Variants in AKT2 observed in about 807,000 individuals in gnomAD.
The protein encoded by AKT2 is AKT serine/threonine kinase 2.
A neutral mutation model predicts 58.6 loss-of-function variants in AKT2; 16 were observed. The observed-to-expected ratio is 0.27, with a 90% confidence interval of 0.18 to 0.41. The LOEUF (loss-of-function observed/expected upper bound fraction) is 0.41. Among genes scored for constraint, AKT2 ranks in the 10% least tolerant of loss-of-function variants. The pLI, the probability that AKT2 is intolerant of heterozygous loss-of-function variation, is 1.00. For synonymous variants in AKT2, 253 were observed against 254.0 expected, an observed-to-expected ratio of 1.00 and a Z score of 0.04; for missense variants, 438 against 661.0, an observed-to-expected ratio of 0.66 and a Z score of 3.70.
chr19:40,264,333 C>A (rs1051467169), intron 2 of AKT2, among the ~76,000 whole-genome samples: 2 of 152,072 alleles, frequency 1.3e-5, no homozygotes, highest in African/African-American at 2.4e-5. Context: ...GCCCTGGGGT[C>A]AAAAAGGGTC....
At position 40,231,905 on chromosome 19, in the gene AKT2, C is replaced by G. The variant is rs1407769336; in HGVS notation, c.*1967G>C. ...CAAGGCTTCCAGGTGGCAGCATAAA[C>G]AGGGAGGTGGGGCAGGATAGGAATG... is the stretch of plus-strand genomic sequence containing the variant. On this transcript the variant is annotated 3_prime_UTR_variant, in exon 14 of 14. Transcript: ENST00000392038. The G allele has an allele frequency of 3.0e-5, 7 of 233,338 alleles. No individual in the cohort carries two copies. The East Asian group carries it at 4.2e-4, about 14-fold the overall frequency. 14.5% of individuals were successfully genotyped at this position (233,338 alleles called of 1,614,324 possible). A position where few individuals can be genotyped will look rare whatever the true frequency, so the allele number is the denominator to read the frequency against.
intron 1 of AKT2, among the ~76,000 whole-genome samples, chr19:40,267,442 G>C (rs1976437705): frequency 6.6e-6 from 1 of 152,122 alleles, no homozygotes; most frequent in Non-Finnish European, 1.5e-5. Context: ...GCCTCCATCA[G>C]GGACAGCACC....
At chr19:40,257,586 AACACACACACAC>A (rs59835118) in intron 2 of AKT2, among the ~76,000 whole-genome samples, 3 of 146,124 alleles carry the variant, frequency 2.1e-5, no homozygotes, top group East Asian at 2.0e-4. Flanking sequence ...TATGCACACA[AACACACACACAC>A]ACACACACAC....
intron 4 of AKT2, among the ~76,000 whole-genome samples, chr19:40,244,699 T>C (rs1276752411): frequency 6.6e-6 from 1 of 152,186 alleles, no homozygotes. Context: ...CAAATCCCAG[T>C]GATTTAAATA....
rs546789965 is a variant in AKT2 at position 40,233,458 on chromosome 19, C to T, written c.*414G>A. ...CCTGGAAGGCAGCACCACTGTCTGC[C>T]GGGTGTCGCGTCCCACCAGAAGGCA... On this transcript the variant is annotated 3_prime_UTR_variant, in exon 14 of 14. Coordinates refer to ENST00000392038, the MANE Select transcript of AKT2 (RefSeq NM_001626.6). The surrounding 1 kb of genome is among the most constrained non-coding windows in gnomAD (Gnocchi z 4.3). 1.8e-4 allele frequency: 97 copies of T among 525,510 alleles called. 2 individuals are homozygous for T. Among genetic ancestry groups the T allele is most frequent in the South Asian group, 9.8e-4 (58 of 59,122 alleles). 32.6% of individuals were successfully genotyped at this position (525,510 alleles called of 1,614,324 possible).
In AKT2 at chr19:40,236,284, A is replaced by G; in HGVS notation, c.933T>C (p.Cys311=). ...ISDGATMKTF[C]GTPEYLAPEV... is the part of the protein sequence containing the mutation. Reference sequence around the variant, plus strand: ...CAGGCGCCAGGTACTCCGGGGTCCCACAGAAGGTTTTCATGGTGGCCCCGT... The same window carrying G: ...CAGGCGCCAGGTACTCCGGGGTCCCGCAGAAGGTTTTCATGGTGGCCCCGT... The change falls in exon 10 of 14, where the codon TGT becomes TGC. Residue 311 remains cysteine (C), a synonymous_variant. Coordinates refer to ENST00000392038, the MANE Select transcript of AKT2 (RefSeq NM_001626.6). 1 of 1,614,022 alleles carries G rather than the reference A, an allele frequency of 6.2e-7. No homozygotes were observed. Among genetic ancestry groups the G allele is most frequent in the Non-Finnish European group, 8.5e-7 (1 of 1,180,014 alleles).
chr19:40,257,080 G>A (rs960917769), intron 2 of AKT2, 26 bp from the exon 3 acceptor site: 9 of 1,613,348 alleles, frequency 5.6e-6, no homozygotes, highest in Non-Finnish European at 7.6e-6. Context: ...AAGGGAGGGA[G>A]AGAGGTTAGG....
chr19:40,268,422 T>TGGTCTGGGTTCCAGAGTCCAAGAGC (rs1422419281), intron 1 of AKT2, among the ~76,000 whole-genome samples: 2 of 151,654 alleles, frequency 1.3e-5, no homozygotes, highest in Non-Finnish European at 2.9e-5. Context: ...TGGCCAAGAG[T>TGGTCTGGGTTCCAGAGTCCAAGAGC]GGTCTGGGTT....
chr19:40,255,104 C>T (rs1175019286), intron 4 of AKT2, 54 bp downstream of exon 4: 12 of 1,400,036 alleles, frequency 8.6e-6, no homozygotes, highest in Non-Finnish European at 1.1e-5. Flanking sequence ...ACCTTTTCTC[C>T]TCACACCAGG....
chr19:40,274,248 C>G (rs2077269389), intron 1 of AKT2: 1 of 152,620 alleles, frequency 6.6e-6, no homozygotes, highest in Non-Finnish European at 1.5e-5. Flanking sequence ...TGTCCTAGCC[C>G]CCACTGTGTC....
At chr19:40,244,426 AC>A (rs1450752198) in intron 4 of AKT2, 4 of 152,132 alleles carry the variant, frequency 2.6e-5, no homozygotes, top group East Asian at 1.9e-4. Flanking sequence ...TAAAAAAAAA[AC>A]AAAATAATTT....
At chr19:40,241,455 G>T in intron 6 of AKT2, 1 of 229,812 alleles carries the variant, frequency 4.4e-6, no homozygotes, top group Non-Finnish European at 8.7e-6. Flanking sequence ...CTGGCTAAAC[G>T]CTGATAACTG....
chr19:40,239,885 CA>C lies in AKT2; in HGVS notation c.639+159del, dbSNP rs926127445. The C allele has an allele frequency of 3.5e-6, 3 of 861,356 alleles. No individual in the cohort carries two copies. In the African/African-American group the frequency reaches 5.0e-5, roughly 14 times the overall value. 53.4% of individuals were successfully genotyped at this position (861,356 alleles called of 1,614,324 possible). On this transcript the variant is annotated intron_variant, in intron 7 of 13. Coordinates refer to ENST00000392038, the MANE Select transcript of AKT2 (RefSeq NM_001626.6). ...TCCCCGAGCCTGCTCACCCCCACCA[CA>C]TGTCTTGGTTCGGATGACTTGGCAG...
chr19:40,241,965 G>C lies in AKT2; in HGVS notation c.546C>G (p.Ile182Met), dbSNP rs2145202590. The stretch of plus-strand genomic sequence containing the variant: ...TGGCAATGATGACTTCCTTCCGCAG[G>C]ATCTTCATGGCGTAGTAGCGGCCAG... ...KATGRYYAMK[I>M]LRKEVIIAKD... The change falls in exon 6 of 14, where the codon ATC becomes ATG. Residue 182 changes from isoleucine (I) to methionine (M), a missense_variant. Around this residue, in one of 3 missense-constraint regions of AKT2, gnomAD observed 244 missense variants for 347.1 expected, o/e 0.70. Coordinates refer to ENST00000392038, the MANE Select transcript of AKT2 (RefSeq NM_001626.6). The C allele has an allele frequency of 1.2e-6, 2 of 1,614,204 alleles. No individual in the cohort carries two copies. The highest frequency in any genetic ancestry group is 2.2e-5 in the East Asian group (1 of 44,886).
Position 40,257,173 on chromosome 19 carries a change from T to A in AKT2, c.47-119A>T. ...CAAGGGGTACCACGGGGCGGGGAGG[T>A]GCGGGGGACACACGAGAATGCCTCT... On this transcript the variant is annotated intron_variant, in intron 2 of 13. Transcript: ENST00000392038. 4.5e-6 allele frequency: 6 copies of A among 1,340,820 alleles called. No individual in the cohort carries two copies. The South Asian group carries it at 7.1e-5, about 16-fold the overall frequency. 83.1% of individuals were successfully genotyped at this position (1,340,820 alleles called of 1,614,324 possible).
chr19:40,275,651 A>G (rs952090333), intron 1 of AKT2, among the ~76,000 whole-genome samples: 2 of 152,010 alleles, frequency 1.3e-5, no homozygotes, highest in African/African-American at 4.8e-5. Context: ...GGCTAGTGCA[A>G]CTAAAGAACT....
At chr19:40,279,258 G>A (rs1445956865) in intron 1 of AKT2, 2 of 152,428 alleles carry the variant, frequency 1.3e-5, no homozygotes, top group African/African-American at 4.8e-5. Flanking sequence ...CCCTGCTGTG[G>A]GTGCCGAGTT....
At position 40,241,934 on chromosome 19, in the gene AKT2, G is replaced by A. The variant is rs1251882682; in HGVS notation, c.573+4C>T. On this transcript the variant is annotated splice_donor_region_variant and intron_variant, in intron 6 of 13. Transcript: ENST00000392038. Reference sequence around the variant, plus strand: ...CTCGCGAGCGCAATTCCCGGGGCACGCACCTTGGCAATGATGACTTCCTTC... The same window carrying A: ...CTCGCGAGCGCAATTCCCGGGGCACACACCTTGGCAATGATGACTTCCTTC... 3.1e-6 allele frequency: 5 copies of A among 1,613,642 alleles called. No homozygotes were observed. The highest frequency in any genetic ancestry group is 2.2e-5 in the East Asian group (1 of 44,886).
chr19:40,256,671 C>A (rs1420381025), intron 3 of AKT2, among the ~76,000 whole-genome samples: 1 of 152,248 alleles, frequency 6.6e-6, no homozygotes, highest in Non-Finnish European at 1.5e-5. Flanking sequence ...GCTGGAACCA[C>A]AAGGAGGCGA....
Sources: allele counts gnomAD v4.1 joint callset (sites outside exome capture counted in the v4.1 genomes callset), GRCh38; gene constraint gnomAD v4.1.1; regional missense constraint gnomAD v4.1.1; non-coding constraint Gnocchi (gnomAD v3.1); transcripts MANE v1.5; gene names NCBI Gene and HGNC (gene_info 2026-07-23, HGNC 2026-07-21).